The following NTM variants were observed in gnomAD, a reference collection of about 807,000 sequenced individuals.
NTM encodes the protein IgLON family member 2.
NTM carries 13 observed loss-of-function variants against 42.1 expected under a neutral mutation model. The observed-to-expected ratio is 0.31, with a 90% CI of 0.20 to 0.49. The LOEUF (loss-of-function observed/expected upper bound fraction) is 0.49. Among genes scored for constraint, NTM ranks in the 20% least tolerant of loss-of-function variants. The probability of loss-of-function intolerance (pLI) is 0.99; values close to 1 mark genes in which losing one functional copy is unlikely to be tolerated. For synonymous variants in NTM, 187 were observed against 179.2 expected (o/e 1.04, Z -0.35); for missense variants, 373 against 452.8 (o/e 0.82, Z 1.60).
chr11:132,262,153 A>T (rs2092900428), intron 4 of NTM, among the ~76,000 whole-genome samples: 1 of 152,166 alleles, frequency 6.6e-6, no homozygotes, highest in Admixed American at 6.5e-5. Context: ...GGGACTCTGA[A>T]ATAATTCCCC....
At chr11:132,088,888 GA>G (rs1264677384) in intron 2 of NTM, among the ~76,000 whole-genome samples, 1 of 143,744 alleles carries the variant, frequency 7.0e-6, no homozygotes, top group Non-Finnish European at 1.5e-5. Flanking sequence ...ATTAACTGAA[GA>G]AAAATGGGTC....
chr11:131,401,812 A>ATATATATATATATGTG (rs1945184472), intron 1 of NTM, among the ~76,000 whole-genome samples: 3 of 21,614 alleles, frequency 1.4e-4, no homozygotes, highest in Non-Finnish European at 2.4e-4. Flanking sequence ...ATATATATAT[A>ATATATATATATATGTG]TATATATATA....
chr11:132,095,130 T>A (rs2060807344), intron 2 of NTM, among the ~76,000 whole-genome samples: 1 of 152,162 alleles, frequency 6.6e-6, no homozygotes, highest in Admixed American at 6.5e-5. Flanking sequence ...GAGGGCTCAC[T>A]CTGGGCACCT....
rs1459519008 is a variant in NTM at position 131,370,991 on chromosome 11, A to C, written c.82+103A>C. 3.9e-6 allele frequency: 6 copies of C among 1,551,650 alleles called. No homozygotes were observed. In the East Asian group the frequency reaches 1.1e-4, roughly 29 times the overall value. ...GAGTCGGCTGTGCTGCGCTGTTTGC[A>C]GGTGGAGGAGAGAGCGTTTAGACAG... On this transcript the variant is annotated intron_variant, in intron 1 of 8. Coordinates refer to ENST00000683400, the MANE Select transcript of NTM (RefSeq NM_001352005.2).
chr11:131,527,751 A>G (rs1030787950), intron 1 of NTM, among the ~76,000 whole-genome samples: 3 of 152,282 alleles, frequency 2.0e-5, no homozygotes, highest in African/African-American at 7.2e-5. Flanking sequence ...ACTTTTAACT[A>G]GTGTTCTTAG....
At chr11:131,839,136 A>AT (rs1592200512) in intron 1 of NTM, among the ~76,000 whole-genome samples, 1 of 151,794 alleles carries the variant, frequency 6.6e-6, no homozygotes, top group East Asian at 1.9e-4. Context: ...AATTTTTTGT[A>AT]TTTTTAGTAG....
chr11:131,426,049 C>T (rs1565488767), intron 1 of NTM, among the ~76,000 whole-genome samples: 1 of 152,086 alleles, frequency 6.6e-6, no homozygotes, highest in African/African-American at 2.4e-5. Context: ...ATGGCCACGC[C>T]TGCTGGGAGG....
intron 1 of NTM, among the ~76,000 whole-genome samples, chr11:131,564,401 T>A (rs2056612101): frequency 6.6e-6 from 1 of 152,180 alleles, no homozygotes; most frequent in South Asian, 2.1e-4. Flanking sequence ...GACAGCCACC[T>A]TCCCACTGTG....
chr11:131,445,765 C>T (rs1950010257), intron 1 of NTM, among the ~76,000 whole-genome samples: 11 of 152,158 alleles, frequency 7.2e-5, no homozygotes, highest in Admixed American at 6.5e-4. Context: ...TTGGGGTGCA[C>T]TCTATTGTGA....
At chr11:132,201,508 C>A (rs974876933) in intron 3 of NTM, among the ~76,000 whole-genome samples, 1 of 152,096 alleles carries the variant, frequency 6.6e-6, no homozygotes, top group South Asian at 2.1e-4. Context: ...AAGGCTATGG[C>A]GGTTGGGAAC....
At position 131,843,368 on chromosome 11, in the gene NTM, C is replaced by T. The variant is rs562232142; in HGVS notation, c.83-68196C>T. ...ATGATTTTGAACTACTATAAATGGT[C>T]TCAGTCTGGTTAGATTCTTCAGTTA... On this transcript the variant is annotated intron_variant, in intron 1 of 8. Transcript: ENST00000683400. Among the ~76,000 whole-genome samples, 15 of 152,278 alleles carry T rather than the reference C, an allele frequency of 9.9e-5. No individual in the cohort carries two copies. The South Asian group carries it at 3.1e-3, about 32-fold the overall frequency.
At chr11:131,992,681 G>A (rs1336195684) in intron 2 of NTM, among the ~76,000 whole-genome samples, 23 of 151,930 alleles carry the variant, frequency 1.5e-4, no homozygotes, top group Non-Finnish European at 1.5e-5. Flanking sequence ...ACACACAATT[G>A]CCTGAAAAGA....
intron 2 of NTM, among the ~76,000 whole-genome samples, chr11:132,021,149 T>C (rs1940586): frequency 0.034 from 5,104 of 152,236 alleles, 296 homozygotes; most frequent in African/African-American, 0.11. Context: ...TCATCTCGAA[T>C]CTGCTGTTGG....
At chr11:131,969,554 A>G (rs2063266635) in intron 2 of NTM, among the ~76,000 whole-genome samples, 1 of 152,178 alleles carries the variant, frequency 6.6e-6, no homozygotes, top group African/African-American at 2.4e-5. Flanking sequence ...TGAGTCCTCC[A>G]TGCCTTTCAC....
At chr11:131,511,396 T>C (rs1340055932) in intron 1 of NTM, among the ~76,000 whole-genome samples, 4 of 152,208 alleles carry the variant, frequency 2.6e-5, no homozygotes, top group Non-Finnish European at 5.9e-5. Context: ...ACCCTCTGTC[T>C]TCGCCTGCCG....
intron 1 of NTM, among the ~76,000 whole-genome samples, chr11:131,664,740 G>T (rs1418967147): frequency 1.4e-5 from 2 of 145,696 alleles, no homozygotes; most frequent in Admixed American, 6.9e-5. Context: ...GGGGGCCACT[G>T]CTCTCTTCCA....
At chr11:131,981,449 G>A (rs768192139) in intron 2 of NTM, 1 of 152,142 alleles carries the variant, frequency 6.6e-6, no homozygotes, top group Non-Finnish European at 1.5e-5. Flanking sequence ...ATGAATCTCT[G>A]CAGGCACGTC....
At chr11:132,050,340 C>T (rs536021169) in intron 2 of NTM, among the ~76,000 whole-genome samples, 1 of 152,288 alleles carries the variant, frequency 6.6e-6, no homozygotes, top group Admixed American at 6.5e-5. Flanking sequence ...CAGAACCTTC[C>T]ATGGCTGGTC....
At chr11:131,470,638 G>T (rs747870617) in intron 1 of NTM, among the ~76,000 whole-genome samples, 4 of 152,124 alleles carry the variant, frequency 2.6e-5, no homozygotes, top group Non-Finnish European at 5.9e-5. Context: ...AAGGCTCCCC[G>T]AGTTACTTCG....
Sources: gnomAD v4.1 joint callset for allele counts (sites outside exome capture counted in the v4.1 genomes callset) on GRCh38, gnomAD v4.1.1 for gene constraint, MANE v1.5 for transcripts, NCBI Gene and HGNC (gene_info 2026-07-23, HGNC 2026-07-21) for gene names.